Variants in GPR135 observed in about 807,000 individuals in gnomAD.
GPR135 encodes G-protein coupled receptor 135.
GPR135 carries 17 observed loss-of-function variants against 15.0 expected under a neutral mutation model. The observed-to-expected ratio is 1.13, with a 90% CI of 0.78 to 1.70. The LOEUF (loss-of-function observed/expected upper bound fraction) is 1.70, where lower values mean the gene tolerates loss of function less well. Ranked by LOEUF, GPR135 falls within the 40% of genes most tolerant of loss-of-function variation. GPR135 has a pLI of 0.00. For synonymous variants in GPR135, 368 were observed against 349.4 expected (o/e 1.05, Z -0.59); for missense variants, 776 against 727.0 (o/e 1.07, Z -0.78).
Position 59,461,695 on chromosome 14 carries a change from TGCAACAC to T in GPR135, c.*2040_*2046del, listed in dbSNP as rs1246482817. 7 of 152,278 alleles carry T rather than the reference TGCAACAC, an allele frequency of 4.6e-5. No homozygotes were observed. Among genetic ancestry groups the T allele is most frequent in the African/African-American group, 1.4e-4 (6 of 41,554 alleles). The allele number at this position is 152,278 out of a possible 1,614,324, so 9.4% of individuals were successfully genotyped here. A position where few individuals can be genotyped will look rare whatever the true frequency, so the allele number is the denominator to read the frequency against. On this transcript the variant is annotated 3_prime_UTR_variant, in exon 1 of 1. Coordinates refer to ENST00000395116, the MANE Select transcript of GPR135 (RefSeq NM_022571.6). The stretch of plus-strand genomic sequence containing the variant: ...CTTCTTCTCAGGCAACACACTATTT[TGCAACAC>T]GCTCACCTCCTTACTCTAAGATCTC...
In GPR135 at chr14:59,464,368, G is replaced by A. The variant is rs550276594; in HGVS notation, c.859C>T (p.Leu287=). The change falls in exon 1 of 1, where the codon CTG becomes TTG. Residue 287 remains leucine, a synonymous_variant. Coordinates refer to ENST00000395116, the MANE Select transcript of GPR135 (RefSeq NM_022571.6). ...FSVGLVVACY[L]LPFLLMCFCH... ...AAGCACATGAGCAGGAAGGGCAGCA[G>A]GTAGCAGGCCACCACCAGCCCCACG... is the stretch of plus-strand genomic sequence containing the variant. 1 of 1,607,268 alleles carries A rather than the reference G, an allele frequency of 6.2e-7. No homozygotes were observed. Among genetic ancestry groups the A allele is most frequent in the East Asian group, 2.2e-5 (1 of 44,722 alleles).
chr14:59,457,988 A>T (rs1350224087), downstream of GPR135, among the ~76,000 whole-genome samples: 1 of 152,248 alleles, frequency 6.6e-6, no homozygotes, highest in Admixed American at 6.5e-5. Context: ...ACAACTCTGT[A>T]GCAGCTCCAG....
In GPR135 at chr14:59,464,722, C is replaced by T. The variant is rs1889052334; in HGVS notation, c.505G>A (p.Gly169Arg). ...AAFLDLFTPP[G>R]GSAPAAAAGP... Reference sequence around the variant, plus strand: ...GCGGCGGCGGCAGGCGCCGAACCCCCGGGCGGAGTGAAGAGGTCCAGGAAG... The same window carrying T: ...GCGGCGGCGGCAGGCGCCGAACCCCTGGGCGGAGTGAAGAGGTCCAGGAAG... Residue 169 changes from glycine (G) to arginine (R), a missense_variant, in exon 1 of 1, where the codon GGG (glycine) becomes AGG (arginine). By Grantham distance (125) the Gly-to-Arg change is moderately radical. Coordinates refer to ENST00000395116, the MANE Select transcript of GPR135 (RefSeq NM_022571.6). 1.3e-6 allele frequency: 2 copies of T among 1,565,708 alleles called. No individual in the cohort carries two copies. Among genetic ancestry groups the T allele is most frequent in the Non-Finnish European group, 1.7e-6 (2 of 1,157,420 alleles).
At chr14:59,456,348 G>A (rs1173826962), downstream of GPR135, 1 of 152,196 alleles carries the variant, frequency 6.6e-6, no homozygotes, top group Non-Finnish European at 1.5e-5. Flanking sequence ...ACTATGTGTG[G>A]TGAAATCTGA....
rs1484846206 is a variant in GPR135, at chr14:59,461,314, CCAAA to C, written c.*2424_*2427del. 5 of 152,160 alleles carry C rather than the reference CCAAA, an allele frequency of 3.3e-5. No individual in the cohort carries two copies. Among genetic ancestry groups the C allele is most frequent in the Admixed American group, 6.5e-5 (1 of 15,272 alleles). The allele number at this position is 152,160 out of a possible 1,614,324, so 9.4% of individuals were successfully genotyped here. A position where few individuals can be genotyped will look rare whatever the true frequency, so the allele number is the denominator to read the frequency against. On this transcript the variant is annotated 3_prime_UTR_variant, in exon 1 of 1. Coordinates refer to ENST00000395116, the MANE Select transcript of GPR135 (RefSeq NM_022571.6). Reference sequence around the variant, plus strand: ...GAGAAACAAACATGGAGTTCTGAGGCCAAACAGACTGCAGTTCAAATCCTAGTTC... The same window carrying C: ...GAGAAACAAACATGGAGTTCTGAGGCCAGACTGCAGTTCAAATCCTAGTTC...
Position 59,465,113 on chromosome 14 carries a change from C to G in GPR135, c.114G>C (p.Thr38=), listed in dbSNP as rs762036172. The change falls in exon 1 of 1, where the codon ACG becomes ACC. Residue 38 remains threonine (T), a synonymous_variant. Coordinates refer to ENST00000395116, the MANE Select transcript of GPR135 (RefSeq NM_022571.6). The part of the protein sequence containing the change: ...GPPGGTSSAA[T]AAVLSFSTVA... Reference sequence around the variant, plus strand: ...CGGTGCTGAAGGAGAGCACGGCCGCCGTGGCCGCGGAGGAAGTCCCGCCAG... The same window carrying G: ...CGGTGCTGAAGGAGAGCACGGCCGCGGTGGCCGCGGAGGAAGTCCCGCCAG... 2.2e-6 allele frequency: 3 copies of G among 1,383,076 alleles called. No homozygotes were observed. The highest frequency in any genetic ancestry group is 3.1e-5 in the East Asian group (1 of 32,384). The allele number at this position is 1,383,076 out of a possible 1,614,324, so 85.7% of individuals were successfully genotyped here.
At chr14:59,456,126 A>G (rs1888645597), downstream of GPR135, among the ~76,000 whole-genome samples, 1 of 152,156 alleles carries the variant, frequency 6.6e-6, no homozygotes, top group Admixed American at 6.5e-5. Context: ...TGAAACCTGC[A>G]AGTCCAGGAT....
At chr14:59,459,750 A>G (rs1888790070), downstream of GPR135, among the ~76,000 whole-genome samples, 1 of 152,186 alleles carries the variant, frequency 6.6e-6, no homozygotes, top group Non-Finnish European at 1.5e-5. Context: ...ACTGAGGGAG[A>G]GAAAAGGAGG....
Position 59,454,370 on chromosome 14 carries a change from A to T in GPR135, c.*874+1314T>A, listed in dbSNP as rs116030248. 5.1e-3 allele frequency among the ~76,000 whole-genome samples: 781 copies of T among 152,290 alleles called. 9 individuals carry two copies. Among genetic ancestry groups the T allele is most frequent in the African/African-American group, 0.018 (756 of 41,558 alleles). On this transcript the variant is annotated intron_variant and NMD_transcript_variant, in intron 6 of 6. Transcript: ENST00000481661. ...GCCTATTGTGGGAACCCTGACTAATACACGTGGTTTATGTTTGGCAAGGTC... is the reference window on the plus strand; with the variant it reads ...GCCTATTGTGGGAACCCTGACTAATTCACGTGGTTTATGTTTGGCAAGGTC...
At chr14:59,455,520 G>C (rs1888622065) in intron 6 of GPR135, among the ~76,000 whole-genome samples, 2 of 152,210 alleles carry the variant, frequency 1.3e-5, no homozygotes. Context: ...AAATTTAGCA[G>C]CTTAAAACAA....
Position 59,465,040 on chromosome 14 carries a change from T to G in GPR135, c.187A>C (p.Thr63Pro), listed in dbSNP as rs1889092160. Reference protein sequence around the residue: ...GNLSDASGGGTAAAPGGGGLG... With the variant: ...GNLSDASGGGPAAAPGGGGLG... Reference sequence around the variant, plus strand: ...CCGCCGCCACCGGGAGCGGCAGCTGTGCCGCCTCCGCTTGCGTCGCTCAGG... The same window carrying G: ...CCGCCGCCACCGGGAGCGGCAGCTGGGCCGCCTCCGCTTGCGTCGCTCAGG... Residue 63 changes from threonine to proline, a missense_variant, in exon 1 of 1, where the codon ACA becomes CCA. Physicochemically the swap from Thr to Pro is conservative, Grantham distance 38 (BLOSUM62 -1). Transcript: ENST00000395116. The G allele has an allele frequency of 7.4e-7, 1 of 1,346,082 alleles. No homozygotes were observed. Among genetic ancestry groups the G allele is most frequent in the Non-Finnish European group, 9.5e-7 (1 of 1,051,702 alleles). The allele number at this position is 1,346,082 out of a possible 1,614,324, so 83.4% of individuals were successfully genotyped here. A position where few individuals can be genotyped will look rare whatever the true frequency, so the allele number is the denominator to read the frequency against.
chr14:59,455,088 GA>G (rs760961900), intron 6 of GPR135, among the ~76,000 whole-genome samples: 41 of 150,892 alleles, frequency 2.7e-4, no homozygotes, highest in South Asian at 1.7e-3. Flanking sequence ...GACAGAGTGA[GA>G]CTCCATCTCA....
rs1404391034 is a variant in GPR135 at position 59,463,816 on chromosome 14, G to A, written c.1411C>T (p.Arg471Ter). The change falls in exon 1 of 1, where the codon CGA becomes TGA. Residue 471 changes from arginine to a stop codon, truncating the protein, a stop_gained. Coordinates refer to ENST00000395116, the MANE Select transcript of GPR135 (RefSeq NM_022571.6). LOFTEE classifies it high-confidence loss of function. Reference protein sequence around the residue: ...ARKNPVVLFCREGPPEPVTAV... With the variant: ...ARKNPVVLFC The stretch of plus-strand genomic sequence containing the variant: ...GTCACCGGCTCTGGTGGTCCCTCTC[G>A]GCAGAAAAGTACAACTGGATTTTTG... The A allele has an allele frequency of 6.2e-7, 1 of 1,614,150 alleles. No individual in the cohort carries two copies. The highest frequency in any genetic ancestry group is 8.5e-7 in the Non-Finnish European group (1 of 1,179,992).
Position 59,465,172 on chromosome 14 carries a change from G to C in GPR135, c.55C>G (p.Gln19Glu). The change falls in exon 1 of 1, where the codon CAG (glutamine) becomes GAG (glutamate). Residue 19 changes from glutamine to glutamate, a missense_variant. Physicochemically the swap from Gln to Glu is conservative, Grantham distance 29 (BLOSUM62 2). Coordinates refer to ENST00000395116, the MANE Select transcript of GPR135 (RefSeq NM_022571.6). The part of the protein sequence containing the change: ...PPASMALLGS[Q>E]HSGAPSAAGP... ...GCCGCGGAGGGGGCGCCGGAGTGCT[G>C]GCTGCCCAGTAAGGCCATGCTCGCT... is the stretch of plus-strand genomic sequence containing the variant. 7.6e-7 allele frequency: 1 copy of C among 1,318,638 alleles called. No homozygotes were observed. Among genetic ancestry groups the C allele is most frequent in the East Asian group, 3.1e-5 (1 of 32,342 alleles). 81.7% of individuals were successfully genotyped at this position (1,318,638 alleles called of 1,614,324 possible).
chr14:59,456,761 C>T (rs1214322335), downstream of GPR135, among the ~76,000 whole-genome samples: 4 of 151,990 alleles, frequency 2.6e-5, no homozygotes, highest in East Asian at 7.7e-4. Context: ...TTGATATTAT[C>T]AAATATTTTG....
chr14:59,460,853 TAGTA>T lies in GPR135; in HGVS notation c.*2885_*2888del, dbSNP rs1888830669. ...TGAAGTCACTATAATTGCATACTCA[TAGTA>T]AGCACAACGAAAGGTCGAAGTCTTA... On this transcript the variant is annotated 3_prime_UTR_variant, in exon 1 of 1. Transcript: ENST00000395116. 1 of 152,256 alleles carries T rather than the reference TAGTA, an allele frequency of 6.6e-6. No homozygotes were observed. The highest frequency in any genetic ancestry group is 2.4e-5 in the African/African-American group (1 of 41,460). The allele number at this position is 152,256 out of a possible 1,614,324, so 9.4% of individuals were successfully genotyped here. A position where few individuals can be genotyped will look rare whatever the true frequency, so the allele number is the denominator to read the frequency against.
rs139188753 is a variant in GPR135, at chr14:59,461,861, G to C, written c.*1881C>G. Reference sequence around the variant, plus strand: ...ATACACAATTTTTTGCCTTTAACAGGCAAATACCGCAGACACCTGTTTTTG... The same window carrying C: ...ATACACAATTTTTTGCCTTTAACAGCCAAATACCGCAGACACCTGTTTTTG... On this transcript the variant is annotated 3_prime_UTR_variant, in exon 1 of 1. Transcript: ENST00000395116. 6.6e-6 allele frequency: 1 copy of C among 152,040 alleles called. No homozygotes were observed. The highest frequency in any genetic ancestry group is 1.5e-5 in the Non-Finnish European group (1 of 68,006). The allele number at this position is 152,040 out of a possible 1,614,324, so 9.4% of individuals were successfully genotyped here. A position where few individuals can be genotyped will look rare whatever the true frequency, so the allele number is the denominator to read the frequency against.
Position 59,461,122 on chromosome 14 carries a change from A to G in GPR135, c.*2620T>C, listed in dbSNP as rs2139769742. On this transcript the variant is annotated 3_prime_UTR_variant, in exon 1 of 1. Transcript: ENST00000395116. ...TGCTGAGGCTGTAAGCCCTCTGCAG[A>G]TGAGTACTGTGGCTTCTACCTTTTA... 1.3e-5 allele frequency: 2 copies of G among 152,360 alleles called. No homozygotes were observed. Among genetic ancestry groups the G allele is most frequent in the Middle Eastern group, 3.4e-3 (1 of 294 alleles). The allele number at this position is 152,360 out of a possible 1,614,324, so 9.4% of individuals were successfully genotyped here. A position where few individuals can be genotyped will look rare whatever the true frequency, so the allele number is the denominator to read the frequency against.
In GPR135 at chr14:59,465,131, C is replaced by A; in HGVS notation, c.96G>T (p.Gly32=). ...CGGCCGCCGTGGCCGCGGAGGAAGT[C>A]CCGCCAGGTGGGCCGGCCGCGGAGG... is the stretch of plus-strand genomic sequence containing the variant. ...GAPSAAGPPG[G]TSSAATAAVL... The change falls in exon 1 of 1, where the codon GGG becomes GGT. Residue 32 remains glycine, a synonymous_variant. Coordinates refer to ENST00000395116, the MANE Select transcript of GPR135 (RefSeq NM_022571.6). The A allele has an allele frequency of 7.3e-7, 1 of 1,374,908 alleles. No homozygotes were observed. The highest frequency in any genetic ancestry group is 1.7e-5 in the South Asian group (1 of 57,998). The allele number at this position is 1,374,908 out of a possible 1,614,324, so 85.2% of individuals were successfully genotyped here.
Sources: gnomAD v4.1 joint callset for allele counts (sites outside exome capture counted in the v4.1 genomes callset) on GRCh38, gnomAD v4.1.1 for gene constraint, MANE v1.5 for transcripts, NCBI Gene and HGNC (gene_info 2026-07-23, HGNC 2026-07-21) for gene names.